PEX7: variants seen among roughly 807,000 people sequenced by gnomAD.
The protein encoded by PEX7 is peroxisomal biogenesis factor 7.
PEX7 carries 34 observed loss-of-function variants against 47.5 expected under a neutral mutation model. The ratio of observed to expected loss-of-function variants is 0.72; its 90% CI spans 0.54 to 0.95. The LOEUF (loss-of-function observed/expected upper bound fraction) is 0.95. PEX7 is among the 40% of genes least tolerant of loss of function. The pLI is 0.00. For synonymous variants in PEX7, 141 were observed against 148.8 expected, an observed-to-expected ratio of 0.95 and a Z score of 0.38; for missense variants, 394 against 400.3, an observed-to-expected ratio of 0.98 and a Z score of 0.13.
chr6:136,833,889 T>C (rs73777754), intron 3 of PEX7, among the ~76,000 whole-genome samples: 6,418 of 152,292 alleles, frequency 0.042, 495 homozygotes, highest in African/African-American at 0.15. Context: ...GTAGCACATA[T>C]TATATGCCAG....
At chr6:136,875,178 A>T (rs1346103760) in intron 8 of PEX7, among the ~76,000 whole-genome samples, 2 of 150,794 alleles carry the variant, frequency 1.3e-5, no homozygotes, top group Admixed American at 1.3e-4. Context: ...TTTATTAATC[A>T]CTGCTTTTAT....
At chr6:136,865,455 C>T (rs1012913076) in intron 5 of PEX7, among the ~76,000 whole-genome samples, 1 of 152,126 alleles carries the variant, frequency 6.6e-6, no homozygotes, top group Non-Finnish European at 1.5e-5. Context: ...CCCGCCACCA[C>T]CACGCCCAAC....
rs61753238 is a variant in PEX7 at position 136,822,785 on chromosome 6, C to A, written c.120C>A (p.Tyr40Ter). The A allele has an allele frequency of 7.4e-7, 1 of 1,350,068 alleles. No homozygotes were observed. The highest frequency in any genetic ancestry group is 9.5e-7 in the Non-Finnish European group (1 of 1,055,860). The allele number at this position is 1,350,068 out of a possible 1,614,324, so 83.6% of individuals were successfully genotyped here. A position where few individuals can be genotyped will look rare whatever the true frequency, so the allele number is the denominator to read the frequency against. The stretch of plus-strand genomic sequence containing the variant: ...TGGCCTGCGCCACCGCGCAGCACTA[C>A]GGCATCGCGGGTGAGGCGGCGCCGC... ...GRLACATAQH[Y>*]GIAGCGTLLI... Residue 40 changes from tyrosine (Y) to a stop codon, truncating the protein, a stop_gained, in exon 1 of 10, where the codon TAC becomes TAA. Coordinates refer to ENST00000318471, the MANE Select transcript of PEX7 (RefSeq NM_000288.4). LOFTEE classifies it high-confidence loss of function.
chr6:136,837,224 T>C (rs748319323), intron 3 of PEX7, among the ~76,000 whole-genome samples: 6 of 150,414 alleles, frequency 4.0e-5, no homozygotes, highest in Non-Finnish European at 5.9e-5. Context: ...ATTAGCCGGG[T>C]GTGGTGGCGG....
rs1774097710 is a variant in PEX7, at chr6:136,822,691, C to T, written c.26C>T (p.Ala9Val). 2 of 1,520,600 alleles carry T rather than the reference C, an allele frequency of 1.3e-6. No homozygotes were observed. Among genetic ancestry groups the T allele is most frequent in the Non-Finnish European group, 1.8e-6 (2 of 1,140,654 alleles). The allele number at this position is 1,520,600 out of a possible 1,614,324, so 94.2% of individuals were successfully genotyped here. Reference sequence around the variant, plus strand: ...ATGAGTGCGGTGTGCGGTGGAGCGGCGCGGATGCTGCGGACGCCGGGACGC... The same window carrying T: ...ATGAGTGCGGTGTGCGGTGGAGCGGTGCGGATGCTGCGGACGCCGGGACGC... MSAVCGGA[A>V]RMLRTPGRHG... The change falls in exon 1 of 10, where the codon GCG (alanine) becomes GTG (valine). Residue 9 changes from alanine to valine, a missense_variant. By Grantham distance (64) the Ala-to-Val change is moderately conservative. Transcript: ENST00000318471.
chr6:136,822,841 C>CT (rs1489253676), intron 1 of PEX7, 46 bp downstream of exon 1: 4 of 1,210,592 alleles, frequency 3.3e-6, no homozygotes, highest in East Asian at 7.0e-5. Context: ...GAGGCGGAGG[C>CT]GGGGGCCAGC....
Position 136,826,292 on chromosome 6 carries a change from T to A in PEX7, c.189-27T>A, listed in dbSNP as rs139995908. 345 of 1,613,154 alleles carry A rather than the reference T, an allele frequency of 2.1e-4. 2 individuals carry two copies. The African/African-American group carries it at 3.7e-3, about 17-fold the overall frequency. On this transcript the variant is annotated intron_variant, in intron 2 of 9. Transcript: ENST00000318471. ...GCTGCCTATGTAAGTGTTGTATTTTTTTGTTGTTTGTTTTTTCCTAGTGTA... is the reference window on the plus strand; with the variant it reads ...GCTGCCTATGTAAGTGTTGTATTTTATTGTTGTTTGTTTTTTCCTAGTGTA...
chr6:136,882,597 ATT>A (rs1775396927), intron 8 of PEX7, among the ~76,000 whole-genome samples: 1 of 152,046 alleles, frequency 6.6e-6, no homozygotes, highest in African/African-American at 2.4e-5. Context: ...AATTATCTTA[ATT>A]TCTAAGCTGG....
At chr6:136,845,952 A>G (rs928128456) in intron 4 of PEX7, 121 bp from the exon 5 acceptor site, 1 of 709,184 alleles carries the variant, frequency 1.4e-6, no homozygotes, top group Non-Finnish European at 2.5e-6. Context: ...AATCCTTGAG[A>G]TCTGTATATA....
chr6:136,873,316 A>G (rs1446929110), intron 8 of PEX7, among the ~76,000 whole-genome samples: 1 of 152,134 alleles, frequency 6.6e-6, no homozygotes, highest in East Asian at 1.9e-4. Context: ...CTTGTTTTCA[A>G]TGTTTTGTAA....
chr6:136,905,389 T>C (rs1275008524), intron 9 of PEX7, among the ~76,000 whole-genome samples: 1 of 152,238 alleles, frequency 6.6e-6, no homozygotes, highest in Non-Finnish European at 1.5e-5. Context: ...TCTTCTATTA[T>C]TAAATATCTA....
intron 8 of PEX7, among the ~76,000 whole-genome samples, chr6:136,876,219 A>G (rs375898651): frequency 1.8e-4 from 27 of 151,960 alleles, no homozygotes; most frequent in African/African-American, 6.5e-4. Flanking sequence ...TTGTATTTTT[A>G]GTAGAGATGG....
chr6:136,843,634 G>T (rs1024297008), intron 3 of PEX7, among the ~76,000 whole-genome samples: 4 of 152,134 alleles, frequency 2.6e-5, no homozygotes, highest in Non-Finnish European at 5.9e-5. Flanking sequence ...CTTTGTAGGC[G>T]AAATTTAGAG....
intron 8 of PEX7, among the ~76,000 whole-genome samples, chr6:136,897,486 G>T (rs1440084675): frequency 6.6e-6 from 1 of 152,150 alleles, no homozygotes; most frequent in Non-Finnish European, 1.5e-5. Flanking sequence ...GTCTATGGAG[G>T]TTAAGTAGAA....
At chr6:136,831,696 G>C (rs990313795) in intron 3 of PEX7, among the ~76,000 whole-genome samples, 1 of 152,240 alleles carries the variant, frequency 6.6e-6, no homozygotes, top group Non-Finnish European at 1.5e-5. Context: ...TTTCAAATGG[G>C]AGAAATTGGC....
chr6:136,822,843 G>GGGGCC, intron 1 of PEX7, 48 bp downstream of exon 1: 3 of 1,119,088 alleles, frequency 2.7e-6, no homozygotes, highest in Non-Finnish European at 3.2e-6. Flanking sequence ...GGCGGAGGCG[G>GGGGCC]GGGCCAGCCG....
intron 8 of PEX7, among the ~76,000 whole-genome samples, chr6:136,896,839 A>AT (rs774725633): frequency 5.3e-5 from 8 of 152,236 alleles, no homozygotes; most frequent in Non-Finnish European, 1.0e-4. Context: ...AAATTACAAA[A>AT]TTATATGTTT....
chr6:136,837,787 AGAAT>A (rs1238068267), intron 3 of PEX7, among the ~76,000 whole-genome samples: 2 of 151,486 alleles, frequency 1.3e-5, no homozygotes, highest in African/African-American at 4.9e-5. Flanking sequence ...AACAACCAAA[AGAAT>A]GAAAGCAATG....
intron 8 of PEX7, among the ~76,000 whole-genome samples, chr6:136,887,371 A>T (rs1389697853): frequency 6.6e-6 from 1 of 152,156 alleles, no homozygotes; most frequent in African/African-American, 2.4e-5. Context: ...ACGAGATTTA[A>T]ATATCAATAT....
Sources: gnomAD v4.1 joint callset for allele counts (sites outside exome capture counted in the v4.1 genomes callset) on GRCh38, gnomAD v4.1.1 for gene constraint, MANE v1.5 for transcripts, NCBI Gene and HGNC (gene_info 2026-07-23, HGNC 2026-07-21) for gene names.